Variants in TMEM63C observed in about 807,000 individuals in gnomAD.
TMEM63C encodes the protein transmembrane protein 63C, also known as osmosensitive cation channel TMEM63C.
Under a neutral mutation model 99.2 loss-of-function variants are expected in TMEM63C, and 32 were observed. The ratio of observed to expected loss-of-function variants is 0.32; its 90% confidence interval spans 0.24 to 0.43. The LOEUF is 0.43. Ranked by LOEUF, TMEM63C falls within the 20% of genes least tolerant of loss-of-function variation. The pLI is 1.00. For synonymous variants in TMEM63C, 376 were observed against 397.9 expected (o/e 0.94, Z 0.66); for missense variants, 826 against 1,053.0 (o/e 0.78, Z 2.98).
rs114363320 is a variant in TMEM63C, at chr14:77,239,865, C to G, written c.930+139C>G. On this transcript the variant is annotated intron_variant, in intron 12 of 23. Coordinates refer to ENST00000298351, the MANE Select transcript of TMEM63C (RefSeq NM_020431.4). Reference sequence around the variant, plus strand: ...GTGCTCCCCACCCAGCTCCTTCCTCCCCATCCACCATGTCCTGCCTCCCTG... The same window carrying G: ...GTGCTCCCCACCCAGCTCCTTCCTCGCCATCCACCATGTCCTGCCTCCCTG... The G allele has an allele frequency of 2.9e-3, 3,677 of 1,250,448 alleles. 71 individuals are homozygous for G. In the African/African-American group the frequency reaches 0.049, roughly 17 times the overall value. 77.5% of individuals were successfully genotyped at this position (1,250,448 alleles called of 1,614,324 possible).
chr14:77,198,956 G>A (rs1217920648), intron 1 of TMEM63C, among the ~76,000 whole-genome samples: 1 of 152,210 alleles, frequency 6.6e-6, no homozygotes, highest in African/African-American at 2.4e-5. Context: ...CACTGGACTA[G>A]GCAGCAGCAA....
chr14:77,224,692 T>G (rs1888786045), intron 5 of TMEM63C, among the ~76,000 whole-genome samples: 1 of 151,408 alleles, frequency 6.6e-6, no homozygotes. Context: ...GAGAAAGGCC[T>G]CAACCGGACA....
intron 6 of TMEM63C, among the ~76,000 whole-genome samples, chr14:77,231,178 G>A (rs1027942411): frequency 1.6e-4 from 24 of 152,094 alleles, no homozygotes; most frequent in African/African-American, 4.8e-4. Context: ...TCATTATCTC[G>A]TCATGGGTTT....
intron 1 of TMEM63C, among the ~76,000 whole-genome samples, chr14:77,194,553 C>CTTTCTTTTTCTTTCTTTCTT (rs56115104): frequency 2.4e-5 from 3 of 125,044 alleles, no homozygotes; most frequent in Admixed American, 8.4e-5. Flanking sequence ...TTCTTTCTTT[C>CTTTCTTTTTCTTTCTTTCTT]TCTTTCTTTC....
chr14:77,207,773 C>G (rs1371193752), intron 1 of TMEM63C, among the ~76,000 whole-genome samples: 1 of 152,250 alleles, frequency 6.6e-6, no homozygotes, highest in African/African-American at 2.4e-5. Flanking sequence ...ATGCCCATGT[C>G]CTTTCCTGCC....
At chr14:77,255,037 C>G (rs542747615) in intron 23 of TMEM63C, among the ~76,000 whole-genome samples, 1 of 152,286 alleles carries the variant, frequency 6.6e-6, no homozygotes, top group East Asian at 1.9e-4. Context: ...GTTGTTCAGG[C>G]TGGAGTGAAG....
intron 1 of TMEM63C, among the ~76,000 whole-genome samples, chr14:77,184,364 G>A (rs774955623): frequency 3.3e-5 from 5 of 152,170 alleles, no homozygotes; most frequent in East Asian, 3.9e-4. Flanking sequence ...GTTCACCCCC[G>A]AAAATGCAGG....
Position 77,220,087 on chromosome 14 carries a change from G to A in TMEM63C, c.312G>A (p.Lys104=). 1 of 1,556,180 alleles carries A rather than the reference G, an allele frequency of 6.4e-7. No individual in the cohort carries two copies. The highest frequency in any genetic ancestry group is 8.7e-7 in the Non-Finnish European group (1 of 1,149,910). ...CCTTGGAGATGGAACGCAGAGACAA[G>A]GTGAGTGCTGGGAGCGGTCTGGGCG... The part of the protein sequence containing the change: ...ETSLEMERRD[K]GFCSWFFNSI... The change falls in exon 5 of 24, where the codon AAG becomes AAA. Residue 104 remains lysine, a splice_region_variant and synonymous_variant. Coordinates refer to ENST00000298351, the MANE Select transcript of TMEM63C (RefSeq NM_020431.4).
intron 22 of TMEM63C, among the ~76,000 whole-genome samples, chr14:77,252,367 C>T (rs1233461234): frequency 6.6e-6 from 1 of 152,166 alleles, no homozygotes; most frequent in East Asian, 1.9e-4. Context: ...TGGAGGTGGC[C>T]CCTGCCCCAC....
intron 5 of TMEM63C, among the ~76,000 whole-genome samples, chr14:77,222,702 C>A (rs1010115658): frequency 3.1e-4 from 47 of 152,216 alleles, no homozygotes; most frequent in Non-Finnish European, 5.6e-4. Flanking sequence ...TCTTCCCTCT[C>A]CCCCTTCCGC....
At chr14:77,246,278 CACATGGGA>C (rs1263613459) in intron 17 of TMEM63C, among the ~76,000 whole-genome samples, 1 of 152,188 alleles carries the variant, frequency 6.6e-6, no homozygotes, top group East Asian at 1.9e-4. Flanking sequence ...CTGACAGCCC[CACATGGGA>C]ACAACACAGC....
chr14:77,257,002 A>G lies in TMEM63C; in HGVS notation c.*276A>G. The G allele has an allele frequency of 7.0e-6, 3 of 425,650 alleles. No homozygotes were observed. In the South Asian group the frequency reaches 1.1e-4, roughly 15 times the overall value. 26.4% of individuals were successfully genotyped at this position (425,650 alleles called of 1,614,324 possible). A position where few individuals can be genotyped will look rare whatever the true frequency, so the allele number is the denominator to read the frequency against. On this transcript the variant is annotated 3_prime_UTR_variant, in exon 24 of 24. Coordinates refer to ENST00000298351, the MANE Select transcript of TMEM63C (RefSeq NM_020431.4). ...TGAGAGAGGTGGCTGGAGCCCCGGC[A>G]CAGAGACTGAACGCTGGGGTCCCTT...
At chr14:77,192,711 A>G (rs1888130848) in intron 1 of TMEM63C, among the ~76,000 whole-genome samples, 1 of 152,072 alleles carries the variant, frequency 6.6e-6, no homozygotes, top group African/African-American at 2.4e-5. Flanking sequence ...GCAGTGAGCT[A>G]TGATTGTGTC....
chr14:77,216,581 A>G (rs1888590782), intron 2 of TMEM63C, among the ~76,000 whole-genome samples: 1 of 151,872 alleles, frequency 6.6e-6, no homozygotes, highest in Middle Eastern at 3.4e-3. Context: ...GTCCATTTCC[A>G]TCCTGCACTT....
chr14:77,252,431 G>A (rs1180542022), intron 22 of TMEM63C, among the ~76,000 whole-genome samples: 1 of 152,158 alleles, frequency 6.6e-6, no homozygotes, highest in African/African-American at 2.4e-5. Flanking sequence ...GGAGAGGGGA[G>A]CCAATCCATG....
chr14:77,249,364 G>A lies in TMEM63C; in HGVS notation c.1944G>A (p.Leu648=). The change falls in exon 21 of 24, where the codon CTG becomes CTA. Residue 648 remains leucine (L), a synonymous_variant. Coordinates refer to ENST00000298351, the MANE Select transcript of TMEM63C (RefSeq NM_020431.4). ...ACTACTCCTTTGCACCCACCAAACTGAACGAGCAGATCCACATGGCTGCCG... is the reference window on the plus strand; with the variant it reads ...ACTACTCCTTTGCACCCACCAAACTAAACGAGCAGATCCACATGGCTGCCG... The part of the protein sequence containing the change: ...NMYYSFAPTK[L]NEQIHMAAVS... 1.2e-6 allele frequency: 2 copies of A among 1,614,010 alleles called. No individual in the cohort carries two copies. The highest frequency in any genetic ancestry group is 1.1e-5 in the South Asian group (1 of 91,076).
Position 77,256,850 on chromosome 14 carries a change from A to ATGTCTCCACTGTG in TMEM63C, c.*124_*125insTGTCTCCACTGTG. 1.1e-6 allele frequency: 1 copy of ATGTCTCCACTGTG among 880,562 alleles called. No homozygotes were observed. Among genetic ancestry groups the ATGTCTCCACTGTG allele is most frequent in the Non-Finnish European group, 1.7e-6 (1 of 583,000 alleles). 54.5% of individuals were successfully genotyped at this position (880,562 alleles called of 1,614,324 possible). ...GCAGACTTTGAGAAGCCCACAGTGG[A>ATGTCTCCACTGTG]GACATCCACCACCCCAGCCATGGGC... On this transcript the variant is annotated 3_prime_UTR_variant, in exon 24 of 24. Coordinates refer to ENST00000298351, the MANE Select transcript of TMEM63C (RefSeq NM_020431.4).
At position 77,256,660 on chromosome 14, in the gene TMEM63C, G is replaced by A. The variant is rs376057848; in HGVS notation, c.2355G>A (p.Ala785=). ...GEEESGLRGF[A]RELDSAQFQE... is the part of the protein sequence containing the mutation. ...AAGAGAGTGGTCTGAGGGGCTTTGC[G>A]AGGGAGCTAGACTCGGCCCAGTTCC... Residue 785 remains alanine (A), a synonymous_variant, in exon 24 of 24, where the codon GCG becomes GCA. Transcript: ENST00000298351. 46 of 1,614,002 alleles carry A rather than the reference G, an allele frequency of 2.9e-5. No individual in the cohort carries two copies. The highest frequency in any genetic ancestry group is 1.3e-4 in the South Asian group (12 of 91,076).
At chr14:77,193,868 T>C (rs140004834) in intron 1 of TMEM63C, among the ~76,000 whole-genome samples, 6,605 of 149,888 alleles carry the variant, frequency 0.044, 202 homozygotes, top group Non-Finnish European at 0.069. Flanking sequence ...GGCATGGTAG[T>C]GGGCACCCGT....
Sources: gnomAD v4.1 joint callset for allele counts (sites outside exome capture counted in the v4.1 genomes callset) on GRCh38, gnomAD v4.1.1 for gene constraint, MANE v1.5 for transcripts, NCBI Gene and HGNC (gene_info 2026-07-23, HGNC 2026-07-21) for gene names.